ST7: variants seen among roughly 807,000 people sequenced by gnomAD.
ST7 encodes the protein suppression of tumorigenicity 7.
Under a neutral mutation model 78.7 loss-of-function variants are expected in ST7, and 28 were observed. The observed-to-expected ratio is 0.36, with a 90% CI of 0.26 to 0.49. ST7 has a LOEUF of 0.49. Among genes scored for constraint, ST7 ranks in the 20% least tolerant of loss-of-function variants. The pLI is 0.99. For synonymous variants in ST7, 247 were observed against 249.6 expected, an observed-to-expected ratio of 0.99 and a Z score of 0.10; for missense variants, 418 against 696.0, an observed-to-expected ratio of 0.60 and a Z score of 4.49.
chr7:117,031,784 A>G lies in ST7; in HGVS notation c.152-67978A>G, dbSNP rs36161499. On this transcript the variant is annotated intron_variant, in intron 1 of 15. Transcript: ENST00000323984. ...TGTGTATATATATGCATATATGTGT[A>G]TATATATGCATATATGTGTGTATAT... is the stretch of plus-strand genomic sequence containing the variant. Among the ~76,000 whole-genome samples, 79 of 21,354 alleles carry G rather than the reference A, an allele frequency of 3.7e-3. 12 individuals carry two copies. The highest frequency in any genetic ancestry group is 0.024 in the Middle Eastern group (1 of 42). The allele number at this position is 21,354 out of a possible 152,430, so 14.0% of individuals were successfully genotyped here.
rs1809706982 is a variant in ST7 at position 117,190,809 on chromosome 7, T to C, written c.1152-25T>C. The C allele has an allele frequency of 7.5e-6, 12 of 1,605,302 alleles. No individual in the cohort carries two copies. The highest frequency in any genetic ancestry group is 1.3e-5 in the African/African-American group (1 of 74,824). On this transcript the variant is annotated intron_variant, in intron 11 of 15. Transcript: ENST00000323984. This position sits in a 1 kb window ranked among gnomAD's most constrained non-coding sequence, Gnocchi z 5.2. ...TGCCCAAGCAGTGGTCCCACCTGGA[T>C]GGTTTTTGTCTTTCTGCTTTTCAGA...
intron 2 of ST7, among the ~76,000 whole-genome samples, chr7:117,109,130 G>A (rs947522711): frequency 3.3e-5 from 5 of 152,102 alleles, no homozygotes; most frequent in Non-Finnish European, 5.9e-5. Flanking sequence ...AGGATTTCCA[G>A]TACTATGTTG....
chr7:117,066,606 C>A (rs1032757681), intron 1 of ST7, among the ~76,000 whole-genome samples: 1 of 151,522 alleles, frequency 6.6e-6, no homozygotes, highest in Non-Finnish European at 1.5e-5. Flanking sequence ...CTAAAAAATA[C>A]AAATATTAGC....
Position 117,130,742 on chromosome 7 carries a change from A to C in ST7, c.565+136A>C, listed in dbSNP as rs527484227. 8.3e-5 allele frequency: 46 copies of C among 556,244 alleles called. No homozygotes were observed. In the Admixed American group the frequency reaches 1.5e-3, roughly 18 times the overall value. 34.5% of individuals were successfully genotyped at this position (556,244 alleles called of 1,614,324 possible). On this transcript the variant is annotated intron_variant, in intron 5 of 15. Coordinates refer to ENST00000323984, the MANE Select transcript of ST7 (RefSeq NM_001369598.1). ...ATTGTTGATTGACTAATAAGAACCC[A>C]GAACTCTGATAATTAAGTAAACCTT...
chr7:117,196,688 T>TTTTCAAG (rs3033789), intron 12 of ST7, among the ~76,000 whole-genome samples: 1 of 135,096 alleles, frequency 7.4e-6, no homozygotes, highest in Admixed American at 8.3e-5. Context: ...ATGTTTTCAA[T>TTTTCAAG]ATTAACCCCT....
At chr7:117,205,703 C>G (rs1168842556) in intron 12 of ST7, among the ~76,000 whole-genome samples, 1 of 152,212 alleles carries the variant, frequency 6.6e-6, no homozygotes, top group East Asian at 1.9e-4. Flanking sequence ...CCACAGCTCT[C>G]TGCTTCTCTT....
At chr7:116,953,728 TC>T (rs1242594537) in intron 1 of ST7, 37 bp downstream of exon 1, 7 of 1,193,234 alleles carry the variant, frequency 5.9e-6, no homozygotes, top group African/African-American at 5.1e-5. Context: ...CGCCCACCCC[TC>T]CCCCGCCCCG....
chr7:117,005,808 G>A (rs1795131687), intron 1 of ST7, among the ~76,000 whole-genome samples: 1 of 152,142 alleles, frequency 6.6e-6, no homozygotes. Context: ...CCAAGTTATA[G>A]GAAGTATTTA....
intron 1 of ST7, among the ~76,000 whole-genome samples, chr7:117,082,019 T>G (rs930110859): frequency 6.6e-6 from 1 of 152,186 alleles, no homozygotes; most frequent in African/African-American, 2.4e-5. Context: ...GTGTCTAAGC[T>G]GAAGCGGCTG....
chr7:117,167,087 A>T (rs1302017564), intron 9 of ST7, among the ~76,000 whole-genome samples: 1 of 149,934 alleles, frequency 6.7e-6, no homozygotes, highest in Non-Finnish European at 1.5e-5. Flanking sequence ...TTTAATTATT[A>T]TACTTTAAGT....
chr7:117,152,505 A>G (rs1806369897), intron 9 of ST7, among the ~76,000 whole-genome samples: 1 of 151,950 alleles, frequency 6.6e-6, no homozygotes, highest in Non-Finnish European at 1.5e-5. Flanking sequence ...CTTGGAGGAA[A>G]TTGTTAAAAT....
intron 3 of ST7, 151 bp downstream of exon 3, chr7:117,119,871 A>G: frequency 1.2e-6 from 1 of 847,402 alleles, no homozygotes; most frequent in Non-Finnish European, 1.8e-6. Context: ...GACAACCTGT[A>G]TCAGAGAGGG....
chr7:117,083,396 C>T (rs1799925823), intron 1 of ST7, among the ~76,000 whole-genome samples: 1 of 152,118 alleles, frequency 6.6e-6, no homozygotes, highest in Non-Finnish European at 1.5e-5. Flanking sequence ...GTTGGGATTA[C>T]AGGAGCCTGC....
chr7:117,123,961 G>A (rs1012261162), intron 3 of ST7, among the ~76,000 whole-genome samples: 7 of 152,026 alleles, frequency 4.6e-5, no homozygotes, highest in Non-Finnish European at 7.4e-5. Flanking sequence ...TTCCTGTCAC[G>A]AATCATCTCC....
At chr7:117,004,489 C>T (rs913586667) in intron 1 of ST7, among the ~76,000 whole-genome samples, 1 of 152,048 alleles carries the variant, frequency 6.6e-6, no homozygotes, top group Admixed American at 6.6e-5. Context: ...GGCGAAACCC[C>T]ATCTCTACTA....
At chr7:117,068,937 CAGATATTCTG>C (rs1467630993) in intron 1 of ST7, among the ~76,000 whole-genome samples, 2 of 152,150 alleles carry the variant, frequency 1.3e-5, no homozygotes, top group Non-Finnish European at 2.9e-5. Flanking sequence ...CATACTGATG[CAGATATTCTG>C]AGAAGGGATC....
intron 7 of ST7, among the ~76,000 whole-genome samples, 196 bp from the exon 8 acceptor site, chr7:117,135,885 C>T (rs533762152): frequency 2.6e-5 from 4 of 152,106 alleles, no homozygotes; most frequent in Non-Finnish European, 4.4e-5. Context: ...CACTACGCAT[C>T]CTACCTCTCA....
intron 10 of ST7, among the ~76,000 whole-genome samples, chr7:117,187,056 C>T (rs1449967662): frequency 1.3e-5 from 2 of 152,164 alleles, no homozygotes; most frequent in South Asian, 2.1e-4. Context: ...CAACAAGATG[C>T]TCTATGTGAA....
rs10537016 is a variant in ST7, at chr7:117,090,254, GACAC to G, written c.152-9487_152-9484del. Among the ~76,000 whole-genome samples, 849 of 148,822 alleles carry G rather than the reference GACAC, an allele frequency of 5.7e-3. 28 individuals carry two copies. Among genetic ancestry groups the G allele is most frequent in the Admixed American group, 0.052 (773 of 14,966 alleles). On this transcript the variant is annotated intron_variant, in intron 1 of 15. Coordinates refer to ENST00000323984, the MANE Select transcript of ST7 (RefSeq NM_001369598.1). Reference sequence around the variant, plus strand: ...GGATAGAAACACACACACACACACAGACACACACACACACACACACACACGGCAA... The same window carrying G: ...GGATAGAAACACACACACACACACAGACACACACACACACACACACGGCAA...
Sources: allele counts gnomAD v4.1 joint callset (sites outside exome capture counted in the v4.1 genomes callset), GRCh38; gene constraint gnomAD v4.1.1; non-coding constraint Gnocchi (gnomAD v3.1); transcripts MANE v1.5; gene names NCBI Gene and HGNC (gene_info 2026-07-23, HGNC 2026-07-21).